Variants in FAM227B observed in about 807,000 individuals in gnomAD.
FAM227B encodes the protein family with sequence similarity 227 member B.
In FAM227B, 88 loss-of-function variants were observed where a neutral mutation model predicts 73.8. The ratio of observed to expected loss-of-function variants is 1.19; its 90% CI spans 1.00 to 1.42. The LOEUF is 1.42. Among genes scored for constraint, FAM227B ranks in the 40% most tolerant of loss-of-function variants. The pLI, the probability that FAM227B is intolerant of heterozygous loss-of-function variation, is 0.00. For synonymous variants in FAM227B, 210 were observed against 190.5 expected (o/e 1.10, Z -0.84); for missense variants, 632 against 590.9 (o/e 1.07, Z -0.72).
In FAM227B at chr15:49,542,807, G is replaced by A. The variant is rs1161918342; in HGVS notation, c.748-1001C>T. 2.0e-5 allele frequency among the ~76,000 whole-genome samples: 3 copies of A among 150,752 alleles called. No homozygotes were observed. The East Asian group carries it at 5.8e-4, about 29-fold the overall frequency. ...GGGACATGTGCTGGTTTCTTATATA[G>A]GTAAATTACATGTGAAGGAGGTTTG... On this transcript the variant is annotated intron_variant, in intron 9 of 15. Coordinates refer to ENST00000299338, the MANE Select transcript of FAM227B (RefSeq NM_152647.3).
At chr15:49,440,338 A>T (rs2051520262) in intron 11 of FAM227B, among the ~76,000 whole-genome samples, 1 of 151,718 alleles carries the variant, frequency 6.6e-6, no homozygotes, top group Non-Finnish European at 1.5e-5. Flanking sequence ...TCTTATAAGT[A>T]AAAGAGTCAT....
At chr15:49,529,021 A>G (rs2060415323) in intron 10 of FAM227B, among the ~76,000 whole-genome samples, 1 of 151,816 alleles carries the variant, frequency 6.6e-6, no homozygotes, top group Non-Finnish European at 1.5e-5. Flanking sequence ...AGACACCTGC[A>G]CTCATATGTT....
intron 11 of FAM227B, among the ~76,000 whole-genome samples, chr15:49,409,093 T>C (rs914502635): frequency 1.3e-5 from 2 of 152,190 alleles, no homozygotes; most frequent in East Asian, 3.8e-4. Flanking sequence ...TGATTAAAGA[T>C]TGAGTTTAGT....
chr15:49,489,839 T>TATA (rs1491513471), intron 11 of FAM227B, among the ~76,000 whole-genome samples: 1 of 25,436 alleles, frequency 3.9e-5, no homozygotes, highest in African/African-American at 1.5e-4. Context: ...TATATATATA[T>TATA]TTTATATATA....
At chr15:49,550,499 A>G (rs76921358) in intron 9 of FAM227B, among the ~76,000 whole-genome samples, 132,942 of 150,428 alleles carry the variant, frequency 0.88, 60,037 homozygotes, top group Non-Finnish European at 0.98. Context: ...GGCAGCTGCC[A>G]GGCGGAGGGG....
intron 11 of FAM227B, among the ~76,000 whole-genome samples, chr15:49,410,959 A>AGT (rs1409910559): frequency 1.3e-4 from 15 of 116,746 alleles, no homozygotes; most frequent in Admixed American, 6.3e-4. Flanking sequence ...AAAGCATTTG[A>AGT]GAGTGTGTGT....
At chr15:49,605,549 T>G (rs898624210) in intron 3 of FAM227B, among the ~76,000 whole-genome samples, 1 of 151,098 alleles carries the variant, frequency 6.6e-6, no homozygotes, top group Non-Finnish European at 1.5e-5. Flanking sequence ...GAATCTGTTT[T>G]GGGGGATATC....
chr15:49,580,135 T>C (rs2075719706), intron 5 of FAM227B, among the ~76,000 whole-genome samples: 1 of 152,224 alleles, frequency 6.6e-6, no homozygotes, highest in African/African-American at 2.4e-5. Context: ...AACTTTTATA[T>C]TTAACAAAAA....
intron 3 of FAM227B, among the ~76,000 whole-genome samples, chr15:49,599,222 C>T (rs2077049811): frequency 6.6e-6 from 1 of 151,870 alleles, no homozygotes; most frequent in Non-Finnish European, 1.5e-5. Context: ...ATTCAATTTA[C>T]TTGTATATAA....
rs780829552 is a variant in FAM227B at position 49,589,986 on chromosome 15, G to A, written c.127C>T (p.His43Tyr). The change falls in exon 4 of 16, where the codon CAT (histidine) becomes TAT (tyrosine). Residue 43 changes from histidine to tyrosine, a missense_variant. His to Tyr is a moderately conservative substitution (Grantham distance 83). Transcript: ENST00000299338. Reference protein sequence around the residue: ...QNWDYWPREIHFRDDDKWSCT... With the variant: ...QNWDYWPREIYFRDDDKWSCT... ...GACCATTTATCATCATCTCTAAAAT[G>A]GATTTCCCTTGGCCAATAATCCTGC... 1.3e-6 allele frequency: 2 copies of A among 1,599,042 alleles called. No homozygotes were observed. The highest frequency in any genetic ancestry group is 1.3e-5 in the African/African-American group (1 of 74,426).
chr15:49,482,839 C>CTAT (rs1218332510), intron 11 of FAM227B, among the ~76,000 whole-genome samples: 3 of 151,742 alleles, frequency 2.0e-5, no homozygotes, highest in Non-Finnish European at 2.9e-5. Flanking sequence ...TAAACATTAG[C>CTAT]TATTATTATT....
intron 5 of FAM227B, among the ~76,000 whole-genome samples, chr15:49,577,976 T>C (rs1009181660): frequency 6.6e-6 from 1 of 152,308 alleles, no homozygotes; most frequent in South Asian, 2.1e-4. Flanking sequence ...GGAAGTTTAG[T>C]GTTCAGAATG....
chr15:49,360,330 C>G (rs1053793980), intron 13 of FAM227B, among the ~76,000 whole-genome samples: 9 of 151,682 alleles, frequency 5.9e-5, no homozygotes, highest in Non-Finnish European at 8.8e-5. Context: ...GCATTGAGTT[C>G]AGATTTTTCT....
At chr15:49,536,072 C>CAAA (rs59203003) in intron 10 of FAM227B, among the ~76,000 whole-genome samples, 3 of 114,004 alleles carry the variant, frequency 2.6e-5, no homozygotes, top group Admixed American at 9.1e-5. Flanking sequence ...GGCAATCAGA[C>CAAA]AAAAAAAAAA....
intron 4 of FAM227B, among the ~76,000 whole-genome samples, chr15:49,588,833 A>C (rs1008149789): frequency 8.6e-5 from 13 of 151,204 alleles, no homozygotes; most frequent in African/African-American, 2.9e-4. Context: ...TTACAGTTTA[A>C]ATATGAAAAT....
At chr15:49,570,226 G>A (rs904966227) in intron 8 of FAM227B, among the ~76,000 whole-genome samples, 2 of 151,934 alleles carry the variant, frequency 1.3e-5, no homozygotes, top group African/African-American at 4.8e-5. Flanking sequence ...CATATTAGCT[G>A]TAGCAATTCA....
chr15:49,591,045 A>ATTTTTT (rs748799826), intron 3 of FAM227B, among the ~76,000 whole-genome samples: 53 of 72,510 alleles, frequency 7.3e-4, no homozygotes, highest in African/African-American at 1.4e-3. Flanking sequence ...TTTTTTTTTG[A>ATTTTTT]TTTTTTTTTT....
chr15:49,333,701 T>C (rs905335258), intron 14 of FAM227B, among the ~76,000 whole-genome samples: 8 of 152,284 alleles, frequency 5.3e-5, no homozygotes, highest in Non-Finnish European at 1.0e-4. Flanking sequence ...CACAAAGTTA[T>C]AGTCTCCCTA....
intron 3 of FAM227B, among the ~76,000 whole-genome samples, chr15:49,599,123 C>A (rs1003541479): frequency 2.0e-5 from 3 of 151,972 alleles, no homozygotes; most frequent in Non-Finnish European, 1.5e-5. Context: ...TCTCTTTACT[C>A]ATTATTGGTC....
Sources: allele counts gnomAD v4.1 joint callset (sites outside exome capture counted in the v4.1 genomes callset), GRCh38; gene constraint gnomAD v4.1.1; transcripts MANE v1.5; gene names NCBI Gene and HGNC (gene_info 2026-07-23, HGNC 2026-07-21).